LNX1: variants seen among roughly 807,000 people sequenced by gnomAD.
LNX1 encodes E3 ubiquitin-protein ligase LNX.
LNX1 carries 54 observed loss-of-function variants against 68.4 expected under a neutral mutation model. The ratio of observed to expected loss-of-function variants is 0.79; its 90% CI spans 0.63 to 0.99. The LOEUF (loss-of-function observed/expected upper bound fraction) is 0.99, where lower values mean the gene tolerates loss of function less well. Among genes scored for constraint, LNX1 ranks in the 50% least tolerant of loss-of-function variants. The pLI, the probability that LNX1 is intolerant of heterozygous loss-of-function variation, is 0.00. For synonymous variants in LNX1, 336 were observed against 350.0 expected, an observed-to-expected ratio of 0.96 and a Z score of 0.45; for missense variants, 906 against 926.4, an observed-to-expected ratio of 0.98 and a Z score of 0.29.
At chr4:53,545,976 T>C (rs1729089512) in intron 2 of LNX1, among the ~76,000 whole-genome samples, 1 of 152,010 alleles carries the variant, frequency 6.6e-6, no homozygotes, top group Non-Finnish European at 1.5e-5. Context: ...CCAGATAATT[T>C]TTGTATTTTT....
At chr4:53,504,773 G>A (rs1725754194) in intron 4 of LNX1, among the ~76,000 whole-genome samples, 1 of 152,170 alleles carries the variant, frequency 6.6e-6, no homozygotes, top group Non-Finnish European at 1.5e-5. Flanking sequence ...ATACTGTTAT[G>A]TATCAGGGAA....
intron 1 of LNX1, among the ~76,000 whole-genome samples, chr4:53,645,872 G>A (rs999217717): frequency 4.6e-5 from 7 of 152,188 alleles, no homozygotes; most frequent in Admixed American, 2.0e-4. Context: ...ATGCATTGGT[G>A]AGGATATTGA....
At chr4:53,486,775 T>C (rs1724329637) in intron 6 of LNX1, among the ~76,000 whole-genome samples, 1 of 152,220 alleles carries the variant, frequency 6.6e-6, no homozygotes, top group Non-Finnish European at 1.5e-5. Context: ...CTTTTCTCTG[T>C]TGAGATTTGA....
intron 2 of LNX1, among the ~76,000 whole-genome samples, chr4:53,565,813 G>A (rs2109753493): frequency 1.3e-5 from 2 of 151,460 alleles, no homozygotes; most frequent in South Asian, 4.2e-4. Context: ...AGGAGCTGAT[G>A]GAGCTGAAAA....
chr4:53,638,002 A>C (rs560726624), intron 1 of LNX1, among the ~76,000 whole-genome samples: 10 of 152,326 alleles, frequency 6.6e-5, no homozygotes, highest in Middle Eastern at 3.4e-3. Flanking sequence ...ATGATTTATC[A>C]CTGATAGATG....
intron 1 of LNX1, among the ~76,000 whole-genome samples, chr4:53,626,136 C>A (rs1195250870): frequency 1.3e-5 from 2 of 152,206 alleles, no homozygotes; most frequent in South Asian, 2.1e-4. Flanking sequence ...AAGTCTGACA[C>A]AAAAGGCCAC....
intron 9 of LNX1, among the ~76,000 whole-genome samples, chr4:53,472,597 T>G (rs1433154256): frequency 6.6e-6 from 1 of 151,728 alleles, no homozygotes; most frequent in Admixed American, 6.6e-5. Context: ...TTTATTTTAT[T>G]TTTATTTGAA....
At chr4:53,616,903 C>G (rs1378597854) in intron 1 of LNX1, among the ~76,000 whole-genome samples, 1 of 152,140 alleles carries the variant, frequency 6.6e-6, no homozygotes, top group Non-Finnish European at 1.5e-5. Context: ...GATGTTTAAA[C>G]TAAGAAGTAT....
chr4:53,581,544 A>G (rs1406122083), intron 1 of LNX1, among the ~76,000 whole-genome samples: 1 of 152,188 alleles, frequency 6.6e-6, no homozygotes, highest in African/African-American at 2.4e-5. Context: ...TGACTGAGGA[A>G]GCCTCACAAT....
intron 1 of LNX1, among the ~76,000 whole-genome samples, chr4:53,580,613 C>T (rs1027416845): frequency 5.9e-5 from 9 of 151,976 alleles, no homozygotes; most frequent in East Asian, 3.8e-4. Context: ...ATATATCTTA[C>T]GAGTAAAAAG....
At chr4:53,508,821 G>T (rs1033732547) in intron 2 of LNX1, among the ~76,000 whole-genome samples, 1 of 152,144 alleles carries the variant, frequency 6.6e-6, no homozygotes, top group Non-Finnish European at 1.5e-5. Context: ...GGTGTTGGGG[G>T]CTCCCATGAT....
intron 2 of LNX1, among the ~76,000 whole-genome samples, chr4:53,614,744 C>T (rs535125213): frequency 3.3e-5 from 5 of 152,190 alleles, no homozygotes; most frequent in Non-Finnish European, 7.3e-5. Context: ...AGTTCATCTC[C>T]TCCTTGATGT....
chr4:53,491,197 T>C (rs1724652608), intron 6 of LNX1, among the ~76,000 whole-genome samples: 1 of 152,072 alleles, frequency 6.6e-6, no homozygotes, highest in Admixed American at 6.5e-5. Context: ...TTGCACCGAT[T>C]GACCTGCAGA....
At chr4:53,645,908 T>G (rs1734869448) in intron 1 of LNX1, among the ~76,000 whole-genome samples, 1 of 152,236 alleles carries the variant, frequency 6.6e-6, no homozygotes, top group African/African-American at 2.4e-5. Context: ...GATTACTATT[T>G]CACTCAGAGT....
intron 2 of LNX1, among the ~76,000 whole-genome samples, chr4:53,568,383 C>G (rs1258031597): frequency 6.6e-6 from 1 of 151,758 alleles, no homozygotes; most frequent in African/African-American, 2.4e-5. Flanking sequence ...TAAACAGAGC[C>G]AAAGACAAAA....
At chr4:53,573,594 A>G in intron 2 of LNX1, 29 bp downstream of exon 2, 1 of 1,543,682 alleles carries the variant, frequency 6.5e-7, no homozygotes, top group Non-Finnish European at 8.9e-7. Context: ...TGGGGGTGGG[A>G]CTTACCGGCT....
intron 9 of LNX1, among the ~76,000 whole-genome samples, chr4:53,475,968 T>C (rs1046433367): frequency 6.6e-6 from 1 of 152,180 alleles, no homozygotes; most frequent in African/African-American, 2.4e-5. Context: ...CGAAGTGCTC[T>C]GGGGCATTGT....
At chr4:53,578,349 G>A (rs899945786) in intron 1 of LNX1, among the ~76,000 whole-genome samples, 15 of 152,148 alleles carry the variant, frequency 9.9e-5, no homozygotes, top group Non-Finnish European at 1.5e-4. Context: ...CACCTTCACG[G>A]TATAGCTGAC....
chr4:53,460,943 A>C lies in LNX1; in HGVS notation c.2151T>G (p.Thr717=), dbSNP rs1166878016. 8 of 1,611,192 alleles carry C rather than the reference A, an allele frequency of 5.0e-6. No individual in the cohort carries two copies. Among genetic ancestry groups the C allele is most frequent in the Non-Finnish European group, 6.8e-6 (8 of 1,178,728 alleles). The change falls in exon 11 of 11, where the codon ACT becomes ACG. Residue 717 remains threonine, a synonymous_variant. Transcript: ENST00000263925. Reference sequence around the variant, plus strand: ...TGCCAGGCCAAGAAACAATAGTTAGAGTAATTCTTCCTTTAAGTTCTTTCA... The same window carrying C: ...TGCCAGGCCAAGAAACAATAGTTAGCGTAATTCTTCCTTTAAGTTCTTTCA... ...RLLKELKGRI[T]LTIVSWPGTF...
Sources: allele counts gnomAD v4.1 joint callset (sites outside exome capture counted in the v4.1 genomes callset), GRCh38; gene constraint gnomAD v4.1.1; transcripts MANE v1.5; gene names NCBI Gene and HGNC (gene_info 2026-07-23, HGNC 2026-07-21).